GPC6: variants seen among roughly 807,000 people sequenced by gnomAD.
GPC6 encodes the protein glypican 6.
Under a neutral mutation model 55.2 loss-of-function variants are expected in GPC6, and 14 were observed. The ratio of observed to expected loss-of-function variants is 0.25; its 90% CI spans 0.17 to 0.40. The LOEUF (loss-of-function observed/expected upper bound fraction) is 0.40, where lower values mean the gene tolerates loss of function less well. Among genes scored for constraint, GPC6 ranks in the 10% least tolerant of loss-of-function variants. The probability of loss-of-function intolerance (pLI) is 1.00; values close to 1 mark genes in which losing one functional copy is unlikely to be tolerated. For missense variants in GPC6, 641 were observed against 708.5 expected, an observed-to-expected ratio of 0.90 and a Z score of 1.08; for synonymous variants, 278 against 259.6, an observed-to-expected ratio of 1.07 and a Z score of -0.68.
chr13:93,331,253 T>C (rs1043140143), intron 1 of GPC6, among the ~76,000 whole-genome samples: 5 of 152,244 alleles, frequency 3.3e-5, no homozygotes, highest in African/African-American at 9.6e-5. Flanking sequence ...TAGCCAAGTT[T>C]AATTATATAT....
At chr13:93,727,537 A>C (rs1478535806) in intron 2 of GPC6, among the ~76,000 whole-genome samples, 1 of 152,082 alleles carries the variant, frequency 6.6e-6, no homozygotes, top group East Asian at 1.9e-4. Context: ...TGATCTCTTA[A>C]AGGGAAGATA....
intron 1 of GPC6, among the ~76,000 whole-genome samples, chr13:93,380,404 A>G (rs1490321116): frequency 6.6e-6 from 1 of 152,166 alleles, no homozygotes; most frequent in Admixed American, 6.5e-5. Flanking sequence ...AGGTATTAAT[A>G]TAAGAATTGG....
rs76764524 is a variant in GPC6 at position 93,622,615 on chromosome 13, G to T, written c.319+77194G>T. 8.6e-3 allele frequency among the ~76,000 whole-genome samples: 1,306 copies of T among 152,008 alleles called. 17 individuals carry two copies. The highest frequency in any genetic ancestry group is 0.03 in the African/African-American group (1,226 of 41,464). The stretch of plus-strand genomic sequence containing the variant: ...GACTAAGGCTATTTATTTATTTTTA[G>T]TTTTATTTTATTTTAATTGACATGT... On this transcript the variant is annotated intron_variant, in intron 2 of 8. Transcript: ENST00000377047.
chr13:93,226,588 A>G (rs1875791657), upstream of GPC6: 1 of 152,232 alleles, frequency 6.6e-6, no homozygotes, highest in Non-Finnish European at 1.5e-5. Flanking sequence ...CAGCTTAATA[A>G]CATGTTAATG....
chr13:93,260,129 G>C (rs1458408468), intron 1 of GPC6, among the ~76,000 whole-genome samples: 1 of 151,948 alleles, frequency 6.6e-6, no homozygotes, highest in African/African-American at 2.4e-5. Flanking sequence ...AATTCATATC[G>C]AGAAAACAAA....
intron 3 of GPC6, among the ~76,000 whole-genome samples, chr13:93,913,687 T>G (rs564524119): frequency 6.6e-6 from 1 of 152,236 alleles, no homozygotes; most frequent in Non-Finnish European, 1.5e-5. Flanking sequence ...TGTTTTTCTT[T>G]CATCGTTTTT....
At chr13:94,302,195 A>G (rs1297350031) in intron 5 of GPC6, among the ~76,000 whole-genome samples, 2 of 152,238 alleles carry the variant, frequency 1.3e-5, no homozygotes, top group African/African-American at 4.8e-5. Context: ...GTGGCTTATG[A>G]AAAACAGAAA....
At chr13:93,986,172 A>G (rs933523374) in intron 3 of GPC6, among the ~76,000 whole-genome samples, 3 of 152,182 alleles carry the variant, frequency 2.0e-5, no homozygotes, top group Non-Finnish European at 2.9e-5. Flanking sequence ...TTATTTACTT[A>G]TACCTAGAAT....
intron 4 of GPC6, among the ~76,000 whole-genome samples, chr13:94,182,466 CTT>C (rs1162026564): frequency 6.6e-6 from 1 of 152,102 alleles, no homozygotes. Context: ...AAGGAGAACA[CTT>C]TATGTTTCTG....
At chr13:93,320,545 A>C (rs1879401116) in intron 1 of GPC6, among the ~76,000 whole-genome samples, 1 of 151,928 alleles carries the variant, frequency 6.6e-6, no homozygotes, top group Admixed American at 6.6e-5. Context: ...TATATGGACT[A>C]AGTGGTATTG....
At chr13:93,404,204 A>G (rs941796504) in intron 1 of GPC6, among the ~76,000 whole-genome samples, 1 of 151,750 alleles carries the variant, frequency 6.6e-6, no homozygotes, top group Non-Finnish European at 1.5e-5. Context: ...AAAATAAAAC[A>G]AACCAACTAT....
chr13:93,652,451 C>A (rs985358060), intron 2 of GPC6, among the ~76,000 whole-genome samples: 3 of 152,150 alleles, frequency 2.0e-5, no homozygotes, highest in Non-Finnish European at 4.4e-5. Flanking sequence ...GAGCATTCCA[C>A]CAAATTCAGC....
At chr13:94,363,600 T>C (rs892939807) in intron 6 of GPC6, among the ~76,000 whole-genome samples, 8 of 152,152 alleles carry the variant, frequency 5.3e-5, no homozygotes, top group African/African-American at 9.7e-5. Flanking sequence ...ACCCCTAGCC[T>C]AGGAACCATG....
chr13:93,269,748 A>ACC (rs1877447684), intron 1 of GPC6, among the ~76,000 whole-genome samples: 1 of 143,892 alleles, frequency 6.9e-6, no homozygotes, highest in African/African-American at 2.6e-5. Flanking sequence ...GCACGGTGAA[A>ACC]CCCCATCTCT....
intron 2 of GPC6, among the ~76,000 whole-genome samples, chr13:93,821,674 T>G (rs945453386): frequency 6.6e-6 from 1 of 152,220 alleles, no homozygotes. Context: ...TTCTGTATTA[T>G]ATTTGGACAG....
chr13:93,751,169 A>ACAAG lies in GPC6; in HGVS notation c.320-78982_320-78981insGCAA, dbSNP rs1312531863. The stretch of plus-strand genomic sequence containing the variant: ...GTCCCAAAAAAAGAAAAACAAACAA[A>ACAAG]CAAACAAACAAACAAACAAAAAATG... On this transcript the variant is annotated intron_variant, in intron 2 of 8. Transcript: ENST00000377047. Among the ~76,000 whole-genome samples, 841 of 146,544 alleles carry ACAAG rather than the reference A, an allele frequency of 5.7e-3. 10 individuals are homozygous for ACAAG. Among genetic ancestry groups the ACAAG allele is most frequent in the African/African-American group, 0.022 (796 of 36,384 alleles).
chr13:94,122,376 G>A (rs1314964558), intron 4 of GPC6, among the ~76,000 whole-genome samples: 2 of 152,134 alleles, frequency 1.3e-5, no homozygotes, highest in South Asian at 2.1e-4. Flanking sequence ...GTCTGACTGC[G>A]TTTCAAACTC....
chr13:93,818,860 C>T (rs779546570), intron 2 of GPC6: 7 of 152,158 alleles, frequency 4.6e-5, no homozygotes, highest in Non-Finnish European at 7.3e-5. Flanking sequence ...TAATATGGCT[C>T]CATCCCCATT....
chr13:94,327,499 A>G (rs927951766), intron 6 of GPC6, among the ~76,000 whole-genome samples: 2 of 152,144 alleles, frequency 1.3e-5, no homozygotes, highest in Non-Finnish European at 2.9e-5. Flanking sequence ...TGGTGTTTTC[A>G]TATCACGGTT....
Sources: gnomAD v4.1 joint callset for allele counts (sites outside exome capture counted in the v4.1 genomes callset) on GRCh38, gnomAD v4.1.1 for gene constraint, MANE v1.5 for transcripts, NCBI Gene and HGNC (gene_info 2026-07-23, HGNC 2026-07-21) for gene names.